PLA2G6: variants seen among roughly 807,000 people sequenced by gnomAD.
The protein encoded by PLA2G6 is 85/88 kDa calcium-independent phospholipase A2.
In PLA2G6, 62 loss-of-function variants were observed where a neutral mutation model predicts 83.8. That is an observed-to-expected ratio of 0.74 (90% CI 0.60 to 0.91). The LOEUF is 0.91. PLA2G6 is among the 40% of genes least tolerant of loss of function. The probability of loss-of-function intolerance (pLI) is 0.00; values close to 1 mark genes in which losing one functional copy is unlikely to be tolerated. For missense variants in PLA2G6, 944 were observed against 1,102.0 expected (o/e 0.86, Z 2.03); for synonymous variants, 417 against 449.8 (o/e 0.93, Z 0.92).
intron 1 of PLA2G6, among the ~76,000 whole-genome samples, chr22:38,175,652 T>G (rs1193810330): frequency 6.6e-6 from 1 of 152,144 alleles, no homozygotes; most frequent in African/African-American, 2.4e-5. Context: ...ACAGCTCAGG[T>G]GCCATCTCCT....
intron 5 of PLA2G6, chr22:38,138,684 T>G (rs79040053): frequency 6.6e-6 from 1 of 152,340 alleles, no homozygotes; most frequent in Admixed American, 6.5e-5. Flanking sequence ...GTATTTTTTT[T>G]CTTGAGATGG....
chr22:38,113,733 C>T lies in PLA2G6; in HGVS notation c.2035-79G>A, dbSNP rs1483477748. 3.7e-6 allele frequency: 5 copies of T among 1,333,450 alleles called. No individual in the cohort carries two copies. The Admixed American group carries it at 6.7e-5, about 18-fold the overall frequency. 82.6% of individuals were successfully genotyped at this position (1,333,450 alleles called of 1,614,324 possible). On this transcript the variant is annotated intron_variant, in intron 14 of 16. Coordinates refer to ENST00000332509, the MANE Select transcript of PLA2G6 (RefSeq NM_003560.4). The stretch of plus-strand genomic sequence containing the variant: ...ACGAAGGGGAGCGTCAAGGGGAGGC[C>T]CAAGACTGGGCTCTGGGGCACATGA...
intron 15 of PLA2G6, 65 bp downstream of exon 15, chr22:38,113,422 G>A (rs936003499): frequency 3.3e-6 from 5 of 1,501,400 alleles, no homozygotes; most frequent in Non-Finnish European, 4.6e-6. Flanking sequence ...ACAGGATGAG[G>A]GGAAGCCATC....
At chr22:38,115,378 T>G in intron 14 of PLA2G6, 149 bp downstream of exon 14, 6 of 731,434 alleles carry the variant, frequency 8.2e-6, no homozygotes, top group East Asian at 2.7e-5. Context: ...CAGGTTCCAG[T>G]GAGATCAATT....
chr22:38,164,206 G>A (rs922658624), intron 2 of PLA2G6, among the ~76,000 whole-genome samples: 1 of 152,146 alleles, frequency 6.6e-6, no homozygotes, highest in Non-Finnish European at 1.5e-5. Context: ...CAGGGCCCCC[G>A]CACCATAGGT....
At chr22:38,142,567 C>G (rs2088980812) in intron 4 of PLA2G6, 1 of 188,066 alleles carries the variant, frequency 5.3e-6, no homozygotes, top group South Asian at 1.1e-4. Flanking sequence ...GAAGAATTGT[C>G]TTGGGTCACA....
chr22:38,126,339 C>G, intron 10 of PLA2G6, 32 bp downstream of exon 10: 1 of 1,546,776 alleles, frequency 6.5e-7, no homozygotes, highest in Non-Finnish European at 8.9e-7. Context: ...CGCACACGTT[C>G]CCCGCTCTGC....
At chr22:38,162,867 T>A (rs913588019) in intron 2 of PLA2G6, among the ~76,000 whole-genome samples, 3 of 151,942 alleles carry the variant, frequency 2.0e-5, no homozygotes, top group Admixed American at 6.6e-5. Flanking sequence ...GAGAGCCAGG[T>A]GTGGGTTACA....
Position 38,145,045 on chromosome 22 carries a change from T to C in PLA2G6, c.425+393A>G. On this transcript the variant is annotated intron_variant, in intron 3 of 16. Coordinates refer to ENST00000332509, the MANE Select transcript of PLA2G6 (RefSeq NM_003560.4). ...GCAACGCAGCACCTTTTTTTTTTTT[T>C]TTTTTTTTTTCCTAGAGACAAGGTC... 3 of 271,818 alleles carry C rather than the reference T, an allele frequency of 1.1e-5. No individual in the cohort carries two copies. The East Asian group carries it at 3.2e-4, about 29-fold the overall frequency. 16.8% of individuals were successfully genotyped at this position (271,818 alleles called of 1,614,324 possible).
At chr22:38,134,036 T>G (rs973365556) in intron 6 of PLA2G6, 1 of 152,158 alleles carries the variant, frequency 6.6e-6, no homozygotes, top group African/African-American at 2.4e-5. Context: ...GTGGGCACCA[T>G]CTAATCAGCT....
chr22:38,120,822 A>G lies in PLA2G6; in HGVS notation c.1679T>C (p.Leu560Pro), dbSNP rs772522384. 1 of 1,613,878 alleles carries G rather than the reference A, an allele frequency of 6.2e-7. No homozygotes were observed. The highest frequency in any genetic ancestry group is 8.5e-7 in the Non-Finnish European group (1 of 1,180,008). ...RGSRPYESGP[L>P]EEFLKREFGE... ...AAACTCCCGCTTCAGGAACTCCTCC[A>G]GGGGCCCCGACTCGTAGGGCCTGGA... Residue 560 changes from leucine to proline, a missense_variant, in exon 12 of 17, where the codon CTG becomes CCG. Coordinates refer to ENST00000332509, the MANE Select transcript of PLA2G6 (RefSeq NM_003560.4).
chr22:38,153,871 T>G (rs942339423), intron 2 of PLA2G6, among the ~76,000 whole-genome samples: 1 of 152,150 alleles, frequency 6.6e-6, no homozygotes, highest in Non-Finnish European at 1.5e-5. Flanking sequence ...GGGAGCCCAC[T>G]ACCCTAAAGG....
At position 38,169,143 on chromosome 22, in the gene PLA2G6, C is replaced by T. The variant is rs1011692921; in HGVS notation, c.209+75G>A. The stretch of plus-strand genomic sequence containing the variant: ...ACAGAGACTCAAAGAAACTGCTTCT[C>T]GGCCAATAAGACCTCCAATCCGAGA... On this transcript the variant is annotated intron_variant, in intron 2 of 16. Transcript: ENST00000332509. The T allele has an allele frequency of 2.6e-5, 30 of 1,164,668 alleles. No homozygotes were observed. The East Asian group carries it at 4.5e-4, about 18-fold the overall frequency. The allele number at this position is 1,164,668 out of a possible 1,614,324, so 72.1% of individuals were successfully genotyped here. A position where few individuals can be genotyped will look rare whatever the true frequency, so the allele number is the denominator to read the frequency against.
chr22:38,165,309 T>G lies in PLA2G6; in HGVS notation c.209+3909A>C, dbSNP rs369826284. ...TCATGAACCCAACAGACACAGTCCC[T>G]CCCCTCACAAGGTCTGTGGCCTACC... On this transcript the variant is annotated intron_variant, in intron 2 of 16. Coordinates refer to ENST00000332509, the MANE Select transcript of PLA2G6 (RefSeq NM_003560.4). Among the ~76,000 whole-genome samples the G allele has an allele frequency of 4.6e-5, 7 of 152,210 alleles. No homozygotes were observed. The East Asian group carries it at 1.4e-3, about 29-fold the overall frequency.
intron 2 of PLA2G6, among the ~76,000 whole-genome samples, chr22:38,150,916 G>A (rs1208313528): frequency 2.6e-5 from 4 of 152,242 alleles, no homozygotes; most frequent in African/African-American, 4.8e-5. Flanking sequence ...GTGAAACCCC[G>A]TCTCTACTAA....
chr22:38,125,196 A>ATG (rs1224709889), intron 10 of PLA2G6, among the ~76,000 whole-genome samples: 1 of 151,684 alleles, frequency 6.6e-6, no homozygotes, highest in Admixed American at 6.6e-5. Flanking sequence ...GCGCATGTGT[A>ATG]TGTGTGTGCA....
At chr22:38,127,928 C>G (rs530521106) in intron 9 of PLA2G6, among the ~76,000 whole-genome samples, 1 of 152,210 alleles carries the variant, frequency 6.6e-6, no homozygotes, top group African/African-American at 2.4e-5. Flanking sequence ...GGCCCCCAGT[C>G]CCCCGACAGC....
chr22:38,125,543 G>A (rs1218917696), intron 10 of PLA2G6: 1 of 389,436 alleles, frequency 2.6e-6, no homozygotes, highest in African/African-American at 2.1e-5. Flanking sequence ...GCTGGCACTA[G>A]GTATAGAGTC....
chr22:38,173,635 C>T (rs1158028456), intron 1 of PLA2G6, among the ~76,000 whole-genome samples: 1 of 152,150 alleles, frequency 6.6e-6, no homozygotes, highest in Non-Finnish European at 1.5e-5. Context: ...AGAGAGTGTG[C>T]TGGTGTGAGG....
Sources: allele counts gnomAD v4.1 joint callset (sites outside exome capture counted in the v4.1 genomes callset), GRCh38; gene constraint gnomAD v4.1.1; transcripts MANE v1.5; gene names NCBI Gene and HGNC (gene_info 2026-07-23, HGNC 2026-07-21).